The following MTMR2 variants were observed in gnomAD, a reference collection of about 807,000 sequenced individuals.
MTMR2 encodes the protein phosphatidylinositol-3,5-bisphosphate 3-phosphatase MTMR2.
A neutral mutation model predicts 86.9 loss-of-function variants in MTMR2; 55 were observed. The observed-to-expected ratio is 0.63, with a 90% CI of 0.51 to 0.79. The LOEUF is 0.79. Ranked by LOEUF, MTMR2 falls within the 30% of genes least tolerant of loss-of-function variation. The pLI, the probability that MTMR2 is intolerant of heterozygous loss-of-function variation, is 0.00. For missense variants in MTMR2, 659 were observed against 772.3 expected, an observed-to-expected ratio of 0.85 and a Z score of 1.74; for synonymous variants, 241 against 266.8, an observed-to-expected ratio of 0.90 and a Z score of 0.94.
At chr11:95,889,228 G>A (rs1156563113) in intron 1 of MTMR2, among the ~76,000 whole-genome samples, 1 of 151,464 alleles carries the variant, frequency 6.6e-6, no homozygotes, top group Non-Finnish European at 1.5e-5. Context: ...CCGCCTCCCA[G>A]GTTCAAGCGA....
At chr11:95,866,944 T>C (rs981292942) in intron 2 of MTMR2, among the ~76,000 whole-genome samples, 1 of 151,954 alleles carries the variant, frequency 6.6e-6, no homozygotes, top group Non-Finnish European at 1.5e-5. Flanking sequence ...CATAGGTTGT[T>C]ATGAAAATTA....
At chr11:95,901,404 G>A (rs2135580801) in intron 1 of MTMR2, among the ~76,000 whole-genome samples, 1 of 152,204 alleles carries the variant, frequency 6.6e-6, no homozygotes. Flanking sequence ...TCACATGCAA[G>A]TACTGCATTA....
chr11:95,884,872 CAT>C (rs1491198402), intron 2 of MTMR2, among the ~76,000 whole-genome samples: 3 of 152,118 alleles, frequency 2.0e-5, no homozygotes, highest in East Asian at 1.9e-4. Flanking sequence ...AACTGGGTAA[CAT>C]GTAGCTTAAC....
chr11:95,885,851 A>G (rs1436747866), intron 2 of MTMR2, among the ~76,000 whole-genome samples: 1 of 152,164 alleles, frequency 6.6e-6, no homozygotes, highest in Non-Finnish European at 1.5e-5. Flanking sequence ...GATCAAGGTT[A>G]TCATCAGCAG....
chr11:95,901,124 CTTCTT>C (rs1405201083), intron 1 of MTMR2, among the ~76,000 whole-genome samples: 2 of 152,198 alleles, frequency 1.3e-5, no homozygotes, highest in Non-Finnish European at 2.9e-5. Flanking sequence ...TCTGTTCTCT[CTTCTT>C]AATTTCTCTC....
chr11:95,897,058 TA>T (rs143242628), intron 1 of MTMR2, among the ~76,000 whole-genome samples: 43,001 of 151,978 alleles, frequency 0.28, 7,299 homozygotes, highest in Non-Finnish European at 0.39. Flanking sequence ...CACTCCCCAT[TA>T]CACTGTCACT....
At chr11:95,855,942 C>T (rs1025083888) in intron 7 of MTMR2, among the ~76,000 whole-genome samples, 11 of 151,836 alleles carry the variant, frequency 7.2e-5, no homozygotes, top group Admixed American at 2.0e-4. Context: ...TGCACAATTT[C>T]GTGAATATGT....
intron 2 of MTMR2, among the ~76,000 whole-genome samples, chr11:95,881,257 A>G (rs899176719): frequency 6.6e-6 from 1 of 151,936 alleles, no homozygotes; most frequent in African/African-American, 2.4e-5. Context: ...AACTTGACTG[A>G]TTTATTCCTA....
chr11:95,923,583 G>A lies in MTMR2; in HGVS notation c.80+292C>T, dbSNP rs1332276401. ...AACTGTCTTAAAAAAGGTTTGAGAG[G>A]GAATGAAAGACAGGAGAAAGTAATT... On this transcript the variant is annotated intron_variant, in intron 1 of 14. Transcript: ENST00000346299. The A allele has an allele frequency of 3.9e-6, 4 of 1,020,612 alleles. No individual in the cohort carries two copies. In the African/African-American group the frequency reaches 6.5e-5, roughly 17 times the overall value. The allele number at this position is 1,020,612 out of a possible 1,614,324, so 63.2% of individuals were successfully genotyped here. A position where few individuals can be genotyped will look rare whatever the true frequency, so the allele number is the denominator to read the frequency against.
At chr11:95,901,480 G>C (rs1322128930) in intron 1 of MTMR2, among the ~76,000 whole-genome samples, 3 of 152,166 alleles carry the variant, frequency 2.0e-5, no homozygotes, top group Non-Finnish European at 4.4e-5. Flanking sequence ...GGATTTCTGA[G>C]ATCATTCTAG....
chr11:95,858,849 G>A (rs184803291), intron 5 of MTMR2, among the ~76,000 whole-genome samples: 7 of 152,248 alleles, frequency 4.6e-5, no homozygotes, highest in South Asian at 2.1e-4. Context: ...AGAATTCAGA[G>A]GGCAGGAAAT....
intron 12 of MTMR2, among the ~76,000 whole-genome samples, chr11:95,838,893 G>A (rs1170971464): frequency 6.6e-6 from 1 of 151,890 alleles, no homozygotes; most frequent in African/African-American, 2.4e-5. Flanking sequence ...GAAAAATTAC[G>A]AACCCCTGAA....
chr11:95,863,095 T>C (rs1268139798), intron 3 of MTMR2, among the ~76,000 whole-genome samples: 1 of 152,186 alleles, frequency 6.6e-6, no homozygotes, highest in Non-Finnish European at 1.5e-5. Flanking sequence ...AAAATATTAT[T>C]TAAAATGCCA....
chr11:95,863,920 A>C (rs1864512176), intron 3 of MTMR2, among the ~76,000 whole-genome samples: 1 of 152,190 alleles, frequency 6.6e-6, no homozygotes, highest in Admixed American at 6.5e-5. Flanking sequence ...TAAATACAAG[A>C]AATTCTTAGA....
intron 11 of MTMR2, among the ~76,000 whole-genome samples, chr11:95,843,073 T>C (rs563349012): frequency 1.1e-4 from 16 of 152,258 alleles, no homozygotes; most frequent in African/African-American, 3.4e-4. Context: ...TTAGAAAGAC[T>C]TAAAGACTTT....
chr11:95,835,322 G>A lies in MTMR2; in HGVS notation c.1900C>T (p.Gln634Ter), dbSNP rs923973985. ...SSSERASSPA[Q>*]CVTPVQTVV ...ACAGTTTGGACAGGAGTGACACACT[G>A]TGCAGGAGAGCTGGCTCTCTCTGAG... The change falls in exon 15 of 15, where the codon CAG becomes TAG. Residue 634 changes from glutamine to a stop codon, truncating the protein, a stop_gained. Coordinates refer to ENST00000346299, the MANE Select transcript of MTMR2 (RefSeq NM_016156.6). LOFTEE classifies it high-confidence loss of function. 12 of 1,612,930 alleles carry A rather than the reference G, an allele frequency of 7.4e-6. No homozygotes were observed. Among genetic ancestry groups the A allele is most frequent in the Admixed American group, 3.3e-5 (2 of 59,818 alleles).
At chr11:95,900,419 G>C (rs1565381026) in intron 1 of MTMR2, among the ~76,000 whole-genome samples, 2 of 152,120 alleles carry the variant, frequency 1.3e-5, no homozygotes, top group Admixed American at 1.3e-4. Flanking sequence ...GAGCAGTCAA[G>C]GGAAATGAGA....
chr11:95,877,285 G>A (rs528813380), intron 2 of MTMR2, among the ~76,000 whole-genome samples: 5 of 138,232 alleles, frequency 3.6e-5, no homozygotes, highest in African/African-American at 1.1e-4. Flanking sequence ...ATAGATCTTA[G>A]TGGTTACACA....
At position 95,844,852 on chromosome 11, in the gene MTMR2, G is replaced by C. The variant is rs889511651; in HGVS notation, c.1386+101C>G. The C allele has an allele frequency of 2.9e-5, 32 of 1,088,266 alleles. No homozygotes were observed. In the East Asian group the frequency reaches 7.0e-4, roughly 24 times the overall value. The allele number at this position is 1,088,266 out of a possible 1,614,324, so 67.4% of individuals were successfully genotyped here. ...AAAACGTTTACCCCACTAGATAAAT[G>C]ATCAATTTCAGATGAATATCTTATT... On this transcript the variant is annotated intron_variant, in intron 11 of 14. Transcript: ENST00000346299.
Sources: gnomAD v4.1 joint callset for allele counts (sites outside exome capture counted in the v4.1 genomes callset) on GRCh38, gnomAD v4.1.1 for gene constraint, MANE v1.5 for transcripts, NCBI Gene and HGNC (gene_info 2026-07-23, HGNC 2026-07-21) for gene names.